Variants in SEMA3E observed in about 807,000 individuals in gnomAD.
SEMA3E encodes semaphorin 3E, also known as semaphorin-3E.
A neutral mutation model predicts 93.6 loss-of-function variants in SEMA3E; 49 were observed. The observed-to-expected ratio is 0.52, with a 90% confidence interval of 0.42 to 0.66. The LOEUF (loss-of-function observed/expected upper bound fraction) is 0.66, where lower values mean the gene tolerates loss of function less well. Among genes scored for constraint, SEMA3E ranks in the 30% least tolerant of loss-of-function variants. The probability of loss-of-function intolerance (pLI) is 0.00; values close to 1 mark genes in which losing one functional copy is unlikely to be tolerated. For synonymous variants in SEMA3E, 363 were observed against 330.7 expected (o/e 1.10, Z -1.06); for missense variants, 906 against 964.8 (o/e 0.94, Z 0.81).
In SEMA3E at chr7:83,396,712, T is replaced by A; in HGVS notation, c.1384A>T (p.Lys462Ter). 6.3e-7 allele frequency: 1 copy of A among 1,597,510 alleles called. No individual in the cohort carries two copies. Among genetic ancestry groups the A allele is most frequent in the Non-Finnish European group, 8.6e-7 (1 of 1,166,780 alleles). Residue 462 changes from lysine to a stop codon, truncating the protein, a stop_gained, in exon 12 of 17, where the codon AAA becomes TAA. Transcript: ENST00000643230. LOFTEE classifies it high-confidence loss of function. ...TCTTGGTTGTAAATTGTGATTACTTTCAGCACAATTCCATTATCTGTAAGA... is the reference window on the plus strand; with the variant it reads ...TCTTGGTTGTAAATTGTGATTACTTACAGCACAATTCCATTATCTGTAAGA... ...FIGTDNGIVL[K>*]VITIYNQEME...
intron 1 of SEMA3E, among the ~76,000 whole-genome samples, chr7:83,632,320 A>G (rs550382635): frequency 6.6e-6 from 1 of 152,328 alleles, no homozygotes; most frequent in Admixed American, 6.5e-5. Flanking sequence ...AGGAATATTC[A>G]CCTATGACAA....
rs748223538 is a variant in SEMA3E, at chr7:83,466,463, A to G, written c.456+19T>C. 5 of 1,613,554 alleles carry G rather than the reference A, an allele frequency of 3.1e-6. No individual in the cohort carries two copies. Among genetic ancestry groups the G allele is most frequent in the African/African-American group, 1.3e-5 (1 of 75,038 alleles). On this transcript the variant is annotated intron_variant, in intron 4 of 16. Coordinates refer to ENST00000643230, the MANE Select transcript of SEMA3E (RefSeq NM_012431.3). The stretch of plus-strand genomic sequence containing the variant: ...TTTAAGCATTGTTTTTATTGACAGC[A>G]ATGAATGAAACATCTTACCTCCAAA...
At chr7:83,627,628 C>CTTTTTTTTT (rs746550123) in intron 1 of SEMA3E, among the ~76,000 whole-genome samples, 3 of 65,346 alleles carry the variant, frequency 4.6e-5, no homozygotes, top group Admixed American at 2.0e-4. Flanking sequence ...GCAACCCCTG[C>CTTTTTTTTT]TTTTTTTTTT....
Position 83,646,326 on chromosome 7 carries a change from G to T in SEMA3E, c.115+2102C>A, listed in dbSNP as rs184110397. Reference sequence around the variant, plus strand: ...TTCCAGAGTCTAGAGAGATAAATGGGCTGTTCATATTGTATTGGTGGGACT... The same window carrying T: ...TTCCAGAGTCTAGAGAGATAAATGGTCTGTTCATATTGTATTGGTGGGACT... On this transcript the variant is annotated intron_variant, in intron 1 of 16. Transcript: ENST00000643230. Among the ~76,000 whole-genome samples the T allele has an allele frequency of 2.6e-5, 4 of 152,072 alleles. No homozygotes were observed. The East Asian group carries it at 7.7e-4, about 29-fold the overall frequency.
chr7:83,625,638 A>C (rs1239392153), intron 1 of SEMA3E, among the ~76,000 whole-genome samples: 1 of 152,104 alleles, frequency 6.6e-6, no homozygotes. Context: ...ATATACAATC[A>C]TGTCATCTGC....
chr7:83,459,601 A>G (rs1002935395), intron 4 of SEMA3E, among the ~76,000 whole-genome samples: 1 of 152,112 alleles, frequency 6.6e-6, no homozygotes, highest in Non-Finnish European at 1.5e-5. Context: ...CAATAAATAC[A>G]CTATGATGTA....
Position 83,407,162 on chromosome 7 carries a change from C to T in SEMA3E, c.748G>A (p.Glu250Lys), listed in dbSNP as rs1788345701. Reference protein sequence around the residue: ...DDNKVYFFFTEKALEAENNAH... With the variant: ...DDNKVYFFFTKKALEAENNAH... ...TTGTTTTCTGCCTCCAGTGCCTTCT[C>T]AGTAAAAAAGAAATATACTTTGTTG... is the stretch of plus-strand genomic sequence containing the variant. The change falls in exon 7 of 17, where the codon GAG becomes AAG. Residue 250 changes from glutamate (E) to lysine (K), a missense_variant. By Grantham distance (56) the Glu-to-Lys change is moderately conservative (BLOSUM62 1). Transcript: ENST00000643230. 6.2e-7 allele frequency: 1 copy of T among 1,613,516 alleles called. No individual in the cohort carries two copies. The highest frequency in any genetic ancestry group is 8.5e-7 in the Non-Finnish European group (1 of 1,179,786).
Position 83,638,029 on chromosome 7 carries a change from T to A in SEMA3E, c.115+10399A>T, listed in dbSNP as rs982580693. Among the ~76,000 whole-genome samples the A allele has an allele frequency of 2.6e-5, 4 of 152,302 alleles. No homozygotes were observed. In the East Asian group the frequency reaches 7.7e-4, roughly 29 times the overall value. On this transcript the variant is annotated intron_variant, in intron 1 of 16. Transcript: ENST00000643230. The stretch of plus-strand genomic sequence containing the variant: ...TAAAGCAATAAACTTTGTTAATTAC[T>A]CATTATATATAGCTATCCACTATTT...
rs565373053 is a variant in SEMA3E at position 83,433,223 on chromosome 7, AATG to A, written c.457-14743_457-14741del. Among the ~76,000 whole-genome samples, 464 of 152,272 alleles carry A rather than the reference AATG, an allele frequency of 3.0e-3. 1 individual carries two copies. The highest frequency in any genetic ancestry group is 0.01 in the African/African-American group (429 of 41,574). The stretch of plus-strand genomic sequence containing the variant: ...TTGTTCAAAGTAAGTGATTTAAAAA[AATG>A]ATTATCATTTTTGGAAAAGAAAGAA... On this transcript the variant is annotated intron_variant, in intron 4 of 16. Coordinates refer to ENST00000643230, the MANE Select transcript of SEMA3E (RefSeq NM_012431.3).
At chr7:83,582,298 T>G (rs1792532569) in intron 1 of SEMA3E, among the ~76,000 whole-genome samples, 1 of 151,084 alleles carries the variant, frequency 6.6e-6, no homozygotes, top group Admixed American at 6.6e-5. Flanking sequence ...AATGAACTAA[T>G]AAAATAGCAG....
intron 11 of SEMA3E, among the ~76,000 whole-genome samples, chr7:83,398,164 GGT>G (rs150791757): frequency 0.056 from 8,578 of 152,028 alleles, 803 homozygotes; most frequent in African/African-American, 0.2. Flanking sequence ...ACTTAAGCAT[GGT>G]GTATATGGCA....
At chr7:83,383,068 T>C (rs1216256016) in intron 16 of SEMA3E, among the ~76,000 whole-genome samples, 2 of 151,884 alleles carry the variant, frequency 1.3e-5, no homozygotes, top group East Asian at 1.9e-4. Flanking sequence ...GTATATACTC[T>C]GTGGTCTGAT....
intron 11 of SEMA3E, among the ~76,000 whole-genome samples, chr7:83,399,304 C>A (rs1360202475): frequency 6.6e-6 from 1 of 152,162 alleles, no homozygotes; most frequent in Admixed American, 6.5e-5. Context: ...TCCTCTTCTA[C>A]AAGTTAGATC....
intron 1 of SEMA3E, among the ~76,000 whole-genome samples, chr7:83,524,580 T>C (rs923295281): frequency 2.6e-5 from 4 of 152,138 alleles, no homozygotes; most frequent in African/African-American, 9.7e-5. Flanking sequence ...TTGTGAGCTC[T>C]CGTGCTATTA....
chr7:83,622,321 C>T (rs535747757), intron 1 of SEMA3E, among the ~76,000 whole-genome samples: 264 of 152,204 alleles, frequency 1.7e-3, no homozygotes, highest in African/African-American at 6.1e-3. Flanking sequence ...ATTAAAAAGT[C>T]AAGAAACAAC....
intron 1 of SEMA3E, among the ~76,000 whole-genome samples, chr7:83,626,955 C>T (rs1050171692): frequency 1.3e-5 from 2 of 152,066 alleles, no homozygotes; most frequent in East Asian, 1.9e-4. Context: ...GCCTTAATTT[C>T]GTTATTTACC....
rs753608668 is a variant in SEMA3E at position 83,466,534 on chromosome 7, G to A, written c.404C>T (p.Thr135Ile). 6.2e-7 allele frequency: 1 copy of A among 1,613,950 alleles called. No individual in the cohort carries two copies. The highest frequency in any genetic ancestry group is 8.5e-7 in the Non-Finnish European group (1 of 1,179,936). Reference protein sequence around the residue: ...YNRTHLLTCGTGAFDPVCAFI... With the variant: ...YNRTHLLTCGIGAFDPVCAFI... ...GGCACAAACTGGATCAAAAGCTCCA[G>A]TACCACAGGTCAGAAGGTGTGTCCT... is the stretch of plus-strand genomic sequence containing the variant. The change falls in exon 4 of 17, where the codon ACT (threonine) becomes ATT (isoleucine). Residue 135 changes from threonine to isoleucine, a missense_variant. Thr to Ile is a moderately conservative substitution (Grantham distance 89). Coordinates refer to ENST00000643230, the MANE Select transcript of SEMA3E (RefSeq NM_012431.3).
chr7:83,631,915 G>T (rs2115675771), intron 1 of SEMA3E, among the ~76,000 whole-genome samples: 1 of 152,256 alleles, frequency 6.6e-6, no homozygotes, highest in East Asian at 1.9e-4. Flanking sequence ...CAGTACTTTG[G>T]GAGGCCGAGG....
At chr7:83,481,361 AAAAT>A (rs560280441) in intron 2 of SEMA3E, among the ~76,000 whole-genome samples, 7 of 152,118 alleles carry the variant, frequency 4.6e-5, no homozygotes, top group South Asian at 2.1e-4. Flanking sequence ...TAGAGAAAGC[AAAAT>A]AAATAAATAA....
Sources: gnomAD v4.1 joint callset for allele counts (sites outside exome capture counted in the v4.1 genomes callset) on GRCh38, gnomAD v4.1.1 for gene constraint, MANE v1.5 for transcripts, NCBI Gene and HGNC (gene_info 2026-07-23, HGNC 2026-07-21) for gene names.